Variants in LPIN1 observed in about 807,000 individuals in gnomAD.
LPIN1 encodes phosphatidate phosphatase LPIN1.
In LPIN1, 71 loss-of-function variants were observed where a neutral mutation model predicts 107.5. That is an observed-to-expected ratio of 0.66 (90% CI 0.55 to 0.80). LPIN1 has a LOEUF of 0.80. Ranked by LOEUF, LPIN1 falls within the 30% of genes least tolerant of loss-of-function variation. LPIN1 has a pLI of 0.00. For synonymous variants in LPIN1, 445 were observed against 452.6 expected (o/e 0.98, Z 0.21); for missense variants, 1,043 against 1,160.6 (o/e 0.90, Z 1.47).
chr2:11,782,558 A>G, intron 8 of LPIN1, 51 bp downstream of exon 8: 1 of 1,604,658 alleles, frequency 6.2e-7, no homozygotes, highest in East Asian at 2.2e-5. Flanking sequence ...GTTTGTGCTC[A>G]CTCTACACAT....
At chr2:11,806,748 AAAG>A (rs1206232171) in intron 17 of LPIN1, among the ~76,000 whole-genome samples, 1 of 152,228 alleles carries the variant, frequency 6.6e-6, no homozygotes, top group Non-Finnish European at 1.5e-5. Context: ...TGGAAACAGT[AAAG>A]CGCAGAGGTT....
At chr2:11,788,815 T>C (rs1041874219) in intron 12 of LPIN1, among the ~76,000 whole-genome samples, 1 of 152,178 alleles carries the variant, frequency 6.6e-6, no homozygotes, top group African/African-American at 2.4e-5. Flanking sequence ...GGAGCAGGCA[T>C]CAGGGTCAGG....
At chr2:11,797,163 G>A (rs1027363511) in intron 14 of LPIN1, among the ~76,000 whole-genome samples, 1 of 152,206 alleles carries the variant, frequency 6.6e-6, no homozygotes, top group Non-Finnish European at 1.5e-5. Context: ...CTCTGTCTTG[G>A]CAATAATTTC....
At chr2:11,775,882 T>G (rs1672584695) in intron 5 of LPIN1, among the ~76,000 whole-genome samples, 1 of 147,792 alleles carries the variant, frequency 6.8e-6, no homozygotes. Context: ...TATATAATCT[T>G]ATATATAATC....
chr2:11,729,648 C>A (rs750832237), intron 1 of LPIN1, among the ~76,000 whole-genome samples: 1 of 152,300 alleles, frequency 6.6e-6, no homozygotes, highest in Non-Finnish European at 1.5e-5. Context: ...GCAACAGAGA[C>A]CATGTGACCT....
chr2:11,677,659 G>A lies in LPIN1; in HGVS notation c.12G>A (p.Gln4=), dbSNP rs1394878003. ...ATACAGGGCGGGCCATGGGGGAACAGGACGGCATTCGCAGCTCCAGCTGGG... is the reference window on the plus strand; with the variant it reads ...ATACAGGGCGGGCCATGGGGGAACAAGACGGCATTCGCAGCTCCAGCTGGG... The change falls in exon 1 of 22, where the codon CAG becomes CAA. Residue 4 remains glutamine, a synonymous_variant. Coordinates refer to the LPIN1 transcript ENST00000449576. 8 of 1,535,548 alleles carry A rather than the reference G, an allele frequency of 5.2e-6. No individual in the cohort carries two copies. The South Asian group carries it at 9.5e-5, about 18-fold the overall frequency.
At chr2:11,732,217 T>C (rs1039757026) in intron 1 of LPIN1, among the ~76,000 whole-genome samples, 2 of 152,246 alleles carry the variant, frequency 1.3e-5, no homozygotes, top group Non-Finnish European at 2.9e-5. Context: ...TTTGTTGTTG[T>C]TGGAGGTGGT....
chr2:11,763,680 G>T (rs919566437), intron 1 of LPIN1, among the ~76,000 whole-genome samples: 17 of 152,064 alleles, frequency 1.1e-4, no homozygotes, highest in Non-Finnish European at 2.2e-4. Context: ...GCTTCACACA[G>T]CAGAGCCCGC....
At chr2:11,691,083 G>GTTT (rs373579741) in intron 1 of LPIN1, among the ~76,000 whole-genome samples, 78 of 120,264 alleles carry the variant, frequency 6.5e-4, no homozygotes, top group East Asian at 9.6e-4. Context: ...ATCTTGTTGT[G>GTTT]GTTTTTTTTT....
Position 11,797,431 on chromosome 2 carries a change from A to G in LPIN1, c.1886+1944A>G, listed in dbSNP as rs573481440. Among the ~76,000 whole-genome samples, 5 of 152,366 alleles carry G rather than the reference A, an allele frequency of 3.3e-5. No homozygotes were observed. The South Asian group carries it at 1.0e-3, about 32-fold the overall frequency. ...GGACATGCGTTCAATCCCAAACCATACAGTTTCTGTTGGCTGAATGCAGGA... is the reference window on the plus strand; with the variant it reads ...GGACATGCGTTCAATCCCAAACCATGCAGTTTCTGTTGGCTGAATGCAGGA... On this transcript the variant is annotated intron_variant, in intron 14 of 20. Coordinates refer to ENST00000674199, the MANE Select transcript of LPIN1 (RefSeq NM_001349206.2).
chr2:11,757,503 G>T (rs1668858118), intron 1 of LPIN1, among the ~76,000 whole-genome samples: 1 of 152,180 alleles, frequency 6.6e-6, no homozygotes, highest in Admixed American at 6.5e-5. Context: ...TGCCCAGCTG[G>T]TTTATTCTTG....
rs368857832 is a variant in LPIN1 at position 11,787,890 on chromosome 2, A to G, written c.1644-497A>G. Among the ~76,000 whole-genome samples the G allele has an allele frequency of 8.6e-5, 13 of 151,976 alleles. No homozygotes were observed. The East Asian group carries it at 1.5e-3, about 18-fold the overall frequency. Reference sequence around the variant, plus strand: ...TGGGAGTCGGAAGTTGCAGTGAGCCAAGATAGCGCCACTGCAGTCTGGCCT... The same window carrying G: ...TGGGAGTCGGAAGTTGCAGTGAGCCGAGATAGCGCCACTGCAGTCTGGCCT... On this transcript the variant is annotated intron_variant, in intron 11 of 20. Coordinates refer to ENST00000674199, the MANE Select transcript of LPIN1 (RefSeq NM_001349206.2).
rs983514002 is a variant in LPIN1 at position 11,767,389 on chromosome 2, C to T, written c.193-374C>T. The T allele has an allele frequency of 1.4e-5, 4 of 282,746 alleles. No homozygotes were observed. The South Asian group carries it at 1.5e-4, about 11-fold the overall frequency. The allele number at this position is 282,746 out of a possible 1,614,324, so 17.5% of individuals were successfully genotyped here. A position where few individuals can be genotyped will look rare whatever the true frequency, so the allele number is the denominator to read the frequency against. On this transcript the variant is annotated intron_variant, in intron 2 of 20. Coordinates refer to ENST00000674199, the MANE Select transcript of LPIN1 (RefSeq NM_001349206.2). ...CTCCTCTTGTCTGGCCTCAGCTCCT[C>T]AGCCAAAAAAGGAGGAGCTAGACCA... is the stretch of plus-strand genomic sequence containing the variant.
intron 1 of LPIN1, among the ~76,000 whole-genome samples, chr2:11,764,040 G>C (rs891126549): frequency 7.5e-6 from 1 of 133,454 alleles, no homozygotes; most frequent in Non-Finnish European, 1.6e-5. Flanking sequence ...GCCAGAGCAA[G>C]ATCCTATCTT....
intron 14 of LPIN1, among the ~76,000 whole-genome samples, chr2:11,800,835 A>T (rs922893678): frequency 6.6e-6 from 1 of 152,126 alleles, no homozygotes. Flanking sequence ...AAATGGGATG[A>T]TTGGTTTCTC....
intron 1 of LPIN1, among the ~76,000 whole-genome samples, chr2:11,757,813 A>AT (rs113318830): frequency 0.24 from 37,195 of 152,086 alleles, 5,298 homozygotes; most frequent in African/African-American, 0.39. Flanking sequence ...AAAAAAAAAA[A>AT]GTTAATTGTG....
chr2:11,719,578 A>G (rs957351617), upstream of LPIN1, among the ~76,000 whole-genome samples: 1 of 152,176 alleles, frequency 6.6e-6, no homozygotes, highest in African/African-American at 2.4e-5. Flanking sequence ...CATTGCTGTG[A>G]GTTTTAAATT....
chr2:11,685,412 G>A (rs778924791), intron 1 of LPIN1, among the ~76,000 whole-genome samples: 2 of 152,200 alleles, frequency 1.3e-5, no homozygotes, highest in Non-Finnish European at 2.9e-5. Context: ...CAGACATGAT[G>A]GACCTGTTGG....
At chr2:11,823,562 A>T (rs1022248705) in intron 20 of LPIN1, among the ~76,000 whole-genome samples, 5 of 152,102 alleles carry the variant, frequency 3.3e-5, no homozygotes, top group Admixed American at 3.3e-4. Context: ...ACCTCAGAAC[A>T]TGCACACTTC....
Sources: gnomAD v4.1 joint callset for allele counts (sites outside exome capture counted in the v4.1 genomes callset) on GRCh38, gnomAD v4.1.1 for gene constraint, MANE v1.5 for transcripts, NCBI Gene and HGNC (gene_info 2026-07-23, HGNC 2026-07-21) for gene names.